Variants in PIMREG observed in about 807,000 individuals in gnomAD.
PIMREG encodes the protein protein PIMREG.
Under a neutral mutation model 24.3 loss-of-function variants are expected in PIMREG, and 19 were observed. That is an observed-to-expected ratio of 0.78 (90% confidence interval 0.54 to 1.15). The LOEUF (loss-of-function observed/expected upper bound fraction) is 1.15, where lower values mean the gene tolerates loss of function less well. PIMREG is among the 50% of genes most tolerant of loss of function. PIMREG has a pLI of 0.00. For synonymous variants in PIMREG, 112 were observed against 124.1 expected (o/e 0.90, Z 0.65); for missense variants, 283 against 306.8 (o/e 0.92, Z 0.58).
chr17:6,449,805 G>T (rs762589191), intron 4 of PIMREG: 2 of 1,424,024 alleles, frequency 1.4e-6, no homozygotes, highest in Non-Finnish European at 1.8e-6. Context: ...CCCCATCCTG[G>T]GGGCAGGGCC....
At chr17:6,450,095 C>A in intron 5 of PIMREG, 23 bp downstream of exon 5, 1 of 1,611,554 alleles carries the variant, frequency 6.2e-7, no homozygotes, top group Non-Finnish European at 8.5e-7. Context: ...TCCCAAGAGT[C>A]TTTCTCACTG....
chr17:6,450,242 G>T, intron 5 of PIMREG, 120 bp from the exon 6 acceptor site: 1 of 1,150,760 alleles, frequency 8.7e-7, no homozygotes, highest in African/African-American at 1.5e-5. Context: ...TTAACAGCAC[G>T]CTGGGGGCCC....
At position 6,447,681 on chromosome 17, in the gene PIMREG, C is replaced by G. The variant is rs369603279; in HGVS notation, c.513C>G (p.Ala171=). ...TCTCTGTCCGGATGGGCTCACATGC[C>G]CACCCATTACGGCGATCAAGGCGGG... ...HRLSVRMGSH[A]HPLRRSRREA... The change falls in exon 3 of 6, where the codon GCC becomes GCG. Residue 171 remains alanine (A), a synonymous_variant. Transcript: ENST00000572447. 3 of 1,614,176 alleles carry G rather than the reference C, an allele frequency of 1.9e-6. No homozygotes were observed. The South Asian group carries it at 3.3e-5, about 18-fold the overall frequency.
Position 6,445,183 on chromosome 17 carries a change from G to A in PIMREG, c.73G>A (p.Asp25Asn), listed in dbSNP as rs1597348600. The A allele has an allele frequency of 1.4e-5, 22 of 1,613,740 alleles. No homozygotes were observed. The highest frequency in any genetic ancestry group is 1.9e-5 in the Non-Finnish European group (22 of 1,179,874). ...RSLQHQEQLE[D>N]SKELQPVVSH... ...TCTCCAGCACCAGGAGCAGCTGGAG[G>A]ACAGCAAGGAGCTGCAGCCTGTGGT... The change falls in exon 2 of 6, where the codon GAC becomes AAC. Residue 25 changes from aspartate (D) to asparagine (N), a missense_variant. Asp to Asn is a conservative substitution (Grantham distance 23, BLOSUM62 1). Transcript: ENST00000572447.
rs556048499 is a variant in PIMREG, at chr17:6,448,144, G to A, written c.590+386G>A. Among the ~76,000 whole-genome samples, 7 of 152,026 alleles carry A rather than the reference G, an allele frequency of 4.6e-5. No homozygotes were observed. The South Asian group carries it at 1.0e-3, about 23-fold the overall frequency. On this transcript the variant is annotated intron_variant, in intron 3 of 5. Transcript: ENST00000572447. ...ACTAAAAATACAAAATTGGCTGGGC[G>A]TGGTGGTGCACGCCTGTAATCCCAG...
rs781708678 is a variant in PIMREG, at chr17:6,445,149, C to T, written c.39C>T (p.Arg13=). 9.3e-6 allele frequency: 15 copies of T among 1,610,154 alleles called. No individual in the cohort carries two copies. The Admixed American group carries it at 2.5e-4, about 27-fold the overall frequency. The change falls in exon 2 of 6, where the codon CGC becomes CGT. Residue 13 remains arginine, a synonymous_variant. Transcript: ENST00000572447. Reference sequence around the variant, plus strand: ...GGCAGAACATGGGGACCTCCGTGCGCCGGAGATCTCTCCAGCACCAGGAGC... The same window carrying T: ...GGCAGAACATGGGGACCTCCGTGCGTCGGAGATCTCTCCAGCACCAGGAGC... The part of the protein sequence containing the change: ...SRWQNMGTSV[R]RRSLQHQEQL...
chr17:6,449,439 G>A, intron 4 of PIMREG, 32 bp downstream of exon 4: 2 of 1,574,086 alleles, frequency 1.3e-6, no homozygotes, highest in South Asian at 2.3e-5. Context: ...CAAAGTGAAG[G>A]GGCCGGGAGG....
In PIMREG at chr17:6,447,777, C is replaced by G. The variant is rs1913642743; in HGVS notation, c.590+19C>G. ...CTCCCAGGCAAGTGGGATAGTGCTT[C>G]ACCCCGGGGCTGGTGGCCTTTTAAC... On this transcript the variant is annotated intron_variant, in intron 3 of 5. Coordinates refer to ENST00000572447, the MANE Select transcript of PIMREG (RefSeq NM_019013.3). 1 of 1,570,786 alleles carries G rather than the reference C, an allele frequency of 6.4e-7. No homozygotes were observed. The highest frequency in any genetic ancestry group is 1.4e-5 in the African/African-American group (1 of 73,908).
At position 6,445,153 on chromosome 17, in the gene PIMREG, A is replaced by G. The variant is rs1351571026; in HGVS notation, c.43A>G (p.Arg15Gly). 1 of 1,610,414 alleles carries G rather than the reference A, an allele frequency of 6.2e-7. No individual in the cohort carries two copies. The highest frequency in any genetic ancestry group is 8.5e-7 in the Non-Finnish European group (1 of 1,177,974). The change falls in exon 2 of 6, where the codon AGA (arginine) becomes GGA (glycine). Residue 15 changes from arginine to glycine, a missense_variant. Coordinates refer to ENST00000572447, the MANE Select transcript of PIMREG (RefSeq NM_019013.3). Reference protein sequence around the residue: ...WQNMGTSVRRRSLQHQEQLED... With the variant: ...WQNMGTSVRRGSLQHQEQLED... Reference sequence around the variant, plus strand: ...GAACATGGGGACCTCCGTGCGCCGGAGATCTCTCCAGCACCAGGAGCAGCT... The same window carrying G: ...GAACATGGGGACCTCCGTGCGCCGGGGATCTCTCCAGCACCAGGAGCAGCT...
intron 2 of PIMREG, 134 bp downstream of exon 2, chr17:6,445,538 A>C (rs1013485032): frequency 6.8e-6 from 6 of 876,252 alleles, no homozygotes; most frequent in Non-Finnish European, 1.0e-5. Flanking sequence ...CTGTTTCCCC[A>C]CCACCCCAGA....
At chr17:6,449,634 G>A in intron 4 of PIMREG, 3 of 1,304,944 alleles carry the variant, frequency 2.3e-6, no homozygotes, top group Non-Finnish European at 3.0e-6. Flanking sequence ...TGGGCCTTGG[G>A]ACCCCATGTT....
chr17:6,450,674 C>A lies in PIMREG; in HGVS notation c.*327C>A. On this transcript the variant is annotated 3_prime_UTR_variant, in exon 6 of 6. Coordinates refer to ENST00000572447, the MANE Select transcript of PIMREG (RefSeq NM_019013.3). ...AGCCTTCTATTTGCCTCATCTATAA[C>A]ATGAAGTGCTAGCATCAGATATTTG... 2.2e-6 allele frequency: 1 copy of A among 457,236 alleles called. No individual in the cohort carries two copies. 28.3% of individuals were successfully genotyped at this position (457,236 alleles called of 1,614,324 possible). A position where few individuals can be genotyped will look rare whatever the true frequency, so the allele number is the denominator to read the frequency against.
intron 2 of PIMREG, 109 bp downstream of exon 2, chr17:6,445,513 T>G: frequency 8.0e-7 from 1 of 1,247,164 alleles, no homozygotes; most frequent in Non-Finnish European, 1.1e-6. Context: ...AACAGGGACG[T>G]TGGTTAGTTC....
At chr17:6,446,693 C>T (rs911295228) in intron 2 of PIMREG, among the ~76,000 whole-genome samples, 3 of 152,174 alleles carry the variant, frequency 2.0e-5, no homozygotes, top group African/African-American at 4.8e-5. Flanking sequence ...TTGAGTGTCA[C>T]GGTCAGAACT....
chr17:6,449,808 G>T, intron 4 of PIMREG: 2 of 1,423,020 alleles, frequency 1.4e-6, no homozygotes, highest in East Asian at 2.5e-5. Context: ...CATCCTGGGG[G>T]CAGGGCCTCG....
Position 6,450,761 on chromosome 17 carries a change from C to T in PIMREG, c.*414C>T. The T allele has an allele frequency of 3.7e-6, 1 of 269,180 alleles. No homozygotes were observed. Among genetic ancestry groups the T allele is most frequent in the Non-Finnish European group, 7.0e-6 (1 of 142,492 alleles). 16.7% of individuals were successfully genotyped at this position (269,180 alleles called of 1,614,324 possible). A position where few individuals can be genotyped will look rare whatever the true frequency, so the allele number is the denominator to read the frequency against. ...GGGGAGTCATCCGCAGAGTCACTCA[C>T]CCACTGTGTTTCTGGTGCCAAGGCT... On this transcript the variant is annotated 3_prime_UTR_variant, in exon 6 of 6. Transcript: ENST00000572447.
At chr17:6,445,603 A>T (rs1913542557) in intron 2 of PIMREG, among the ~76,000 whole-genome samples, 199 bp downstream of exon 2, 1 of 152,224 alleles carries the variant, frequency 6.6e-6, no homozygotes, top group Non-Finnish European at 1.5e-5. Context: ...GAATGAAAGC[A>T]TGTCTTGGAG....
Position 6,450,708 on chromosome 17 carries a change from T to G in PIMREG, c.*361T>G. ...CTAGCATCAGATATTTGAGAGCTCTTAGCTCTGTACCCGGGTGCCTGGTTT... is the reference window on the plus strand; with the variant it reads ...CTAGCATCAGATATTTGAGAGCTCTGAGCTCTGTACCCGGGTGCCTGGTTT... On this transcript the variant is annotated 3_prime_UTR_variant, in exon 6 of 6. Transcript: ENST00000572447. 1.0e-5 allele frequency: 4 copies of G among 385,388 alleles called. No individual in the cohort carries two copies. 23.9% of individuals were successfully genotyped at this position (385,388 alleles called of 1,614,324 possible).
At chr17:6,446,856 G>A (rs779478652) in intron 2 of PIMREG, among the ~76,000 whole-genome samples, 1 of 152,168 alleles carries the variant, frequency 6.6e-6, no homozygotes, top group African/African-American at 2.4e-5. Context: ...TGGGGTCACC[G>A]TCTGTCTGGA....
Sources: allele counts gnomAD v4.1 joint callset (sites outside exome capture counted in the v4.1 genomes callset), GRCh38; gene constraint gnomAD v4.1.1; transcripts MANE v1.5; gene names NCBI Gene and HGNC (gene_info 2026-07-23, HGNC 2026-07-21).